TMEM123: variants seen among roughly 807,000 people sequenced by gnomAD.
The protein encoded by TMEM123 is transmembrane protein 123.
Under a neutral mutation model 19.7 loss-of-function variants are expected in TMEM123, and 16 were observed. That is an observed-to-expected ratio of 0.81 (90% CI 0.55 to 1.23). The LOEUF is 1.23. TMEM123 is among the 50% of genes most tolerant of loss of function. The pLI, the probability that TMEM123 is intolerant of heterozygous loss-of-function variation, is 0.00. For synonymous variants in TMEM123, 118 were observed against 99.4 expected, an observed-to-expected ratio of 1.19 and a Z score of -1.12; for missense variants, 313 against 257.8, an observed-to-expected ratio of 1.21 and a Z score of -1.47.
chr11:102,403,331 C>T (rs1276071027), intron 2 of TMEM123, among the ~76,000 whole-genome samples: 4 of 152,138 alleles, frequency 2.6e-5, no homozygotes, highest in African/African-American at 4.8e-5. Flanking sequence ...AAATAAACTT[C>T]GATTACTTTT....
At chr11:102,402,866 C>T (rs1011790278) in intron 2 of TMEM123, among the ~76,000 whole-genome samples, 1 of 152,136 alleles carries the variant, frequency 6.6e-6, no homozygotes, top group African/African-American at 2.4e-5. Flanking sequence ...GTCCAAAAGC[C>T]AATTTTGTAT....
chr11:102,426,579 A>C (rs577302667), intron 2 of TMEM123, among the ~76,000 whole-genome samples: 1 of 152,282 alleles, frequency 6.6e-6, no homozygotes, highest in South Asian at 2.1e-4. Context: ...AAGATTTTAC[A>C]AACAAAACAA....
intron 4 of TMEM123, among the ~76,000 whole-genome samples, chr11:102,401,180 T>A (rs1182690159): frequency 1.3e-5 from 2 of 152,182 alleles, no homozygotes; most frequent in Admixed American, 1.3e-4. Context: ...TGCTATTTAG[T>A]ACCACAACAG....
At chr11:102,418,231 T>G (rs75000494) in intron 2 of TMEM123, among the ~76,000 whole-genome samples, 1 of 152,020 alleles carries the variant, frequency 6.6e-6, no homozygotes, top group Non-Finnish European at 1.5e-5. Context: ...AAAGAAACTA[T>G]CAACAAAGTA....
At chr11:102,436,732 C>G (rs1161075704) in intron 2 of TMEM123, among the ~76,000 whole-genome samples, 1 of 147,386 alleles carries the variant, frequency 6.8e-6, no homozygotes, top group Non-Finnish European at 1.5e-5. Context: ...GGTAAGTCAT[C>G]AATTTTAGTC....
Position 102,413,416 on chromosome 11 carries a change from A to G in TMEM123, c.158-11210T>C, listed in dbSNP as rs1360852263. ...GCACGGACCCCACCACCCCATCACC[A>G]CTGGCACATACACATGGACCCTGCT... On this transcript the variant is annotated intron_variant, in intron 2 of 4. Coordinates refer to ENST00000398136, the MANE Select transcript of TMEM123 (RefSeq NM_052932.3). Among the ~76,000 whole-genome samples the G allele has an allele frequency of 2.6e-5, 4 of 152,148 alleles. No individual in the cohort carries two copies. The East Asian group carries it at 7.7e-4, about 29-fold the overall frequency.
rs1441437781 is a variant in TMEM123, at chr11:102,448,787, GT to G, written c.157+24del. ...ATGTACCCTAGACAAATGAAAATTTGTTTTTTTAATCTTTTAAAACTCACCT... is the reference window on the plus strand; with the variant it reads ...ATGTACCCTAGACAAATGAAAATTTGTTTTTTAATCTTTTAAAACTCACCT... On this transcript the variant is annotated intron_variant, in intron 2 of 4. Coordinates refer to ENST00000398136, the MANE Select transcript of TMEM123 (RefSeq NM_052932.3). The G allele has an allele frequency of 1.9e-6, 3 of 1,609,260 alleles. No individual in the cohort carries two copies. The East Asian group carries it at 6.7e-5, about 36-fold the overall frequency.
At chr11:102,398,947 T>G in intron 4 of TMEM123, 56 bp from the exon 5 acceptor site, 1 of 1,477,926 alleles carries the variant, frequency 6.8e-7, no homozygotes, top group South Asian at 1.2e-5. Context: ...TCAAAACTAC[T>G]TATGTTCCTA....
intron 4 of TMEM123, among the ~76,000 whole-genome samples, chr11:102,399,999 AT>A (rs879903127): frequency 0.02 from 2,975 of 152,184 alleles, no homozygotes; most frequent in Non-Finnish European, 0.033. Context: ...TTCTTAAATT[AT>A]CATTTTTGTT....
intron 2 of TMEM123, among the ~76,000 whole-genome samples, chr11:102,411,941 G>A (rs769175544): frequency 9.9e-5 from 15 of 152,108 alleles, no homozygotes; most frequent in Admixed American, 3.3e-4. Flanking sequence ...GGCCCCAGTT[G>A]CCCTCTGCTG....
At chr11:102,429,158 C>T (rs921486940) in intron 2 of TMEM123, among the ~76,000 whole-genome samples, 2 of 151,832 alleles carry the variant, frequency 1.3e-5, no homozygotes, top group Non-Finnish European at 2.9e-5. Flanking sequence ...CCCTGAAATC[C>T]CTAGCCACAC....
intron 2 of TMEM123, among the ~76,000 whole-genome samples, chr11:102,437,114 T>C (rs994181277): frequency 6.6e-6 from 1 of 152,190 alleles, no homozygotes; most frequent in South Asian, 2.1e-4. Context: ...CACTTCGTTT[T>C]TGGGATTTTT....
chr11:102,452,290 C>CA, intron 1 of TMEM123: 1 of 391,370 alleles, frequency 2.6e-6, no homozygotes, highest in Non-Finnish European at 4.5e-6. Flanking sequence ...CCGCCGCATC[C>CA]AAAAAGCGAG....
chr11:102,440,250 G>C (rs1212811805), intron 2 of TMEM123, among the ~76,000 whole-genome samples: 1 of 152,182 alleles, frequency 6.6e-6, no homozygotes, highest in Non-Finnish European at 1.5e-5. Flanking sequence ...ATAATTGTCA[G>C]ATTCACCAAA....
chr11:102,433,345 T>C lies in TMEM123; in HGVS notation c.157+15467A>G, dbSNP rs1284425794. Among the ~76,000 whole-genome samples the C allele has an allele frequency of 2.6e-5, 4 of 151,944 alleles. 1 individual carries two copies. The highest frequency in any genetic ancestry group is 5.9e-5 in the Non-Finnish European group (4 of 67,908). ...ACGATCTGGATATGAGACAGAGTCATAGGAAATCATTTTGGAACTTTAAGG... is the reference window on the plus strand; with the variant it reads ...ACGATCTGGATATGAGACAGAGTCACAGGAAATCATTTTGGAACTTTAAGG... On this transcript the variant is annotated intron_variant, in intron 2 of 4. Coordinates refer to ENST00000398136, the MANE Select transcript of TMEM123 (RefSeq NM_052932.3).
At chr11:102,421,758 C>A (rs1952088902) in intron 2 of TMEM123, among the ~76,000 whole-genome samples, 1 of 152,122 alleles carries the variant, frequency 6.6e-6, no homozygotes, top group South Asian at 2.1e-4. Context: ...TGGCAGTAAT[C>A]TGGGGAAGGA....
At position 102,452,472 on chromosome 11, in the gene TMEM123, G is replaced by T. The variant is rs1276793253; in HGVS notation, c.100+52C>A. The T allele has an allele frequency of 1.9e-5, 26 of 1,361,824 alleles. 1 individual carries two copies. The South Asian group carries it at 3.8e-4, about 20-fold the overall frequency. 84.4% of individuals were successfully genotyped at this position (1,361,824 alleles called of 1,614,324 possible). A position where few individuals can be genotyped will look rare whatever the true frequency, so the allele number is the denominator to read the frequency against. On this transcript the variant is annotated intron_variant, in intron 1 of 4. Transcript: ENST00000398136. ...AGCCCAACTTGGGAACCCAAGCCTC[G>T]GCAGCGCGCTGCCTCCCACGAACGG...
intron 2 of TMEM123, among the ~76,000 whole-genome samples, chr11:102,413,347 T>C (rs1952019691): frequency 6.6e-6 from 1 of 152,154 alleles, no homozygotes; most frequent in Non-Finnish European, 1.5e-5. Flanking sequence ...TTCCTCTAGC[T>C]AGATAAGTTT....
At chr11:102,433,051 A>G (rs1051398116) in intron 2 of TMEM123, among the ~76,000 whole-genome samples, 1 of 151,972 alleles carries the variant, frequency 6.6e-6, no homozygotes, top group African/African-American at 2.4e-5. Context: ...CTCATGGAGA[A>G]ACTCTGCTAG....
Sources: gnomAD v4.1 joint callset for allele counts (sites outside exome capture counted in the v4.1 genomes callset) on GRCh38, gnomAD v4.1.1 for gene constraint, MANE v1.5 for transcripts, NCBI Gene and HGNC (gene_info 2026-07-23, HGNC 2026-07-21) for gene names.